RBMS3: variants seen among roughly 807,000 people sequenced by gnomAD.
RBMS3 encodes the protein RNA-binding motif, single-stranded-interacting protein 3.
RBMS3 carries 27 observed loss-of-function variants against 66.8 expected under a neutral mutation model. That is an observed-to-expected ratio of 0.40 (90% CI 0.30 to 0.56). The LOEUF (loss-of-function observed/expected upper bound fraction) is 0.56. RBMS3 is among the 20% of genes least tolerant of loss of function. The probability of loss-of-function intolerance (pLI) is 0.40; values close to 1 mark genes in which losing one functional copy is unlikely to be tolerated. For synonymous variants in RBMS3, 188 were observed against 183.0 expected, an observed-to-expected ratio of 1.03 and a Z score of -0.22; for missense variants, 513 against 549.5, an observed-to-expected ratio of 0.93 and a Z score of 0.66.
intron 12 of RBMS3, among the ~76,000 whole-genome samples, chr3:29,974,813 T>TATATTTC: frequency 8.7e-6 from 1 of 114,406 alleles, no homozygotes; most frequent in East Asian, 3.1e-4. Context: ...TTATATATTT[T>TATATTTC]ATATATAAAA....
At chr3:29,660,074 A>T (rs1168932611) in intron 4 of RBMS3, among the ~76,000 whole-genome samples, 1 of 152,112 alleles carries the variant, frequency 6.6e-6, no homozygotes, top group South Asian at 2.1e-4. Context: ...TAAATATTTT[A>T]TTTATTTTGA....
intron 12 of RBMS3, among the ~76,000 whole-genome samples, chr3:29,983,393 T>A (rs752862869): frequency 2.0e-5 from 3 of 152,198 alleles, no homozygotes; most frequent in Non-Finnish European, 4.4e-5. Flanking sequence ...GTCTTTTAAT[T>A]GGGGCATTTA....
chr3:29,782,290 C>T (rs1164107101), intron 6 of RBMS3, among the ~76,000 whole-genome samples: 1 of 152,194 alleles, frequency 6.6e-6, no homozygotes, highest in African/African-American at 2.4e-5. Context: ...CACTCCCCTG[C>T]TACCTCCACC....
chr3:29,899,819 A>G, intron 10 of RBMS3, 64 bp downstream of exon 10: 2 of 1,505,004 alleles, frequency 1.3e-6, no homozygotes, highest in Admixed American at 1.7e-5. Flanking sequence ...TTTGGAATGC[A>G]TAGAAGCTTT....
intron 4 of RBMS3, among the ~76,000 whole-genome samples, chr3:29,686,909 A>T (rs2051757232): frequency 6.6e-6 from 1 of 152,180 alleles, no homozygotes; most frequent in Non-Finnish European, 1.5e-5. Flanking sequence ...ATTTTGTTTA[A>T]GGAGGAGGGT....
chr3:29,961,238 A>G (rs2149736361), intron 12 of RBMS3, among the ~76,000 whole-genome samples: 1 of 152,254 alleles, frequency 6.6e-6, no homozygotes, highest in East Asian at 1.9e-4. Flanking sequence ...GGCAAGAGTC[A>G]CCTTTGTTCT....
chr3:29,427,593 A>G (rs1233984394), intron 1 of RBMS3, among the ~76,000 whole-genome samples: 2 of 152,252 alleles, frequency 1.3e-5, no homozygotes, highest in Non-Finnish European at 2.9e-5. Flanking sequence ...TAAATAATGT[A>G]TGATTTAAGA....
intron 2 of RBMS3, among the ~76,000 whole-genome samples, chr3:29,478,803 T>C (rs1490191409): frequency 2.0e-5 from 3 of 152,228 alleles, no homozygotes; most frequent in Non-Finnish European, 4.4e-5. Flanking sequence ...ACAGTTGTAC[T>C]AGAATGTGCT....
At position 29,555,861 on chromosome 3, in the gene RBMS3, G is replaced by C. The variant is rs1322862516; in HGVS notation, c.308-31253G>C. 2.1e-5 allele frequency among the ~76,000 whole-genome samples: 3 copies of C among 142,974 alleles called. No individual in the cohort carries two copies. In the East Asian group the frequency reaches 5.9e-4, roughly 28 times the overall value. The allele number at this position is 142,974 out of a possible 152,430, so 93.8% of individuals were successfully genotyped here. On this transcript the variant is annotated intron_variant, in intron 3 of 14. Transcript: ENST00000383767. ...ATCAACCAATGCTCCAAAGAAAACT[G>C]CTCTGAGAAAAGACATATTTCAAAA...
chr3:29,994,375 G>T (rs1249837304), intron 14 of RBMS3, among the ~76,000 whole-genome samples: 5 of 152,248 alleles, frequency 3.3e-5, no homozygotes, highest in East Asian at 1.9e-4. Flanking sequence ...CATTGCCCAG[G>T]CTTGATTAGG....
At chr3:29,481,749 G>T (rs2125820048) in intron 2 of RBMS3, among the ~76,000 whole-genome samples, 1 of 152,234 alleles carries the variant, frequency 6.6e-6, no homozygotes, top group African/African-American at 2.4e-5. Flanking sequence ...CTTCCTTGGG[G>T]CCTCTAGAAG....
intron 6 of RBMS3, among the ~76,000 whole-genome samples, chr3:29,790,273 A>G (rs1381315586): frequency 1.3e-5 from 2 of 152,184 alleles, no homozygotes; most frequent in African/African-American, 4.8e-5. Flanking sequence ...AAAACAAGAT[A>G]TAATTGCACT....
chr3:29,681,894 G>A (rs1245213582), intron 4 of RBMS3, among the ~76,000 whole-genome samples: 1 of 152,128 alleles, frequency 6.6e-6, no homozygotes, highest in Non-Finnish European at 1.5e-5. Context: ...TGGGCAAATG[G>A]TACTTCTGCC....
At chr3:29,523,611 T>C (rs1272429808) in intron 3 of RBMS3, among the ~76,000 whole-genome samples, 1 of 152,214 alleles carries the variant, frequency 6.6e-6, no homozygotes, top group African/African-American at 2.4e-5. Context: ...GAACCAGTTA[T>C]GATTCTTGAA....
intron 3 of RBMS3, among the ~76,000 whole-genome samples, chr3:29,523,817 C>T (rs1198566359): frequency 6.6e-6 from 1 of 152,084 alleles, no homozygotes; most frequent in Non-Finnish European, 1.5e-5. Context: ...TCACTGCAGC[C>T]TCTACCTGTC....
chr3:29,439,132 T>C lies in RBMS3; in HGVS notation c.248+4217T>C, dbSNP rs374192588. Among the ~76,000 whole-genome samples the C allele has an allele frequency of 5.3e-5, 8 of 152,142 alleles. 2 individuals are homozygous for C. In the South Asian group the frequency reaches 1.7e-3, roughly 31 times the overall value. ...GGGCTAAGAAAAAGCCACGTGACTA[T>C]AGCAGAGAGAAAGAGGTAAAGTGTG... On this transcript the variant is annotated intron_variant, in intron 2 of 14. Transcript: ENST00000383767.
At chr3:29,477,878 A>G (rs897170648) in intron 2 of RBMS3, among the ~76,000 whole-genome samples, 1 of 151,876 alleles carries the variant, frequency 6.6e-6, no homozygotes. Flanking sequence ...TGATCCTCCC[A>G]CCTCACCCTC....
intron 5 of RBMS3, among the ~76,000 whole-genome samples, chr3:29,755,517 A>T (rs1354124571): frequency 6.6e-6 from 1 of 152,218 alleles, no homozygotes; most frequent in African/African-American, 2.4e-5. Flanking sequence ...AGCAGTGTTA[A>T]GGGAACTGAG....
In RBMS3 at chr3:29,651,036, T is replaced by G. The variant is rs530487852; in HGVS notation, c.399+63831T>G. ...TTGTTGATTTTTTTTGATGTTGCCT[T>G]TAAAAAATCAAAACTATATTTATTA... On this transcript the variant is annotated intron_variant, in intron 4 of 14. Transcript: ENST00000383767. 4.9e-4 allele frequency among the ~76,000 whole-genome samples: 74 copies of G among 152,062 alleles called. No homozygotes were observed. In the South Asian group the frequency reaches 0.015, roughly 30 times the overall value.
Sources: allele counts gnomAD v4.1 joint callset (sites outside exome capture counted in the v4.1 genomes callset), GRCh38; gene constraint gnomAD v4.1.1; transcripts MANE v1.5; gene names NCBI Gene and HGNC (gene_info 2026-07-23, HGNC 2026-07-21).